SPHKAP: variants seen among roughly 807,000 people sequenced by gnomAD.
SPHKAP encodes SPHK1 interactor, AKAP domain containing.
SPHKAP carries 67 observed loss-of-function variants against 137.5 expected under a neutral mutation model. The ratio of observed to expected loss-of-function variants is 0.49; its 90% confidence interval spans 0.40 to 0.60. The LOEUF (loss-of-function observed/expected upper bound fraction) is 0.60. SPHKAP is among the 20% of genes least tolerant of loss of function. SPHKAP has a pLI of 0.00. For synonymous variants in SPHKAP, 813 were observed against 785.3 expected (o/e 1.04, Z -0.59); for missense variants, 2,097 against 2,069.3 (o/e 1.01, Z -0.26).
chr2:228,112,801 C>T (rs1698560369), intron 2 of SPHKAP, among the ~76,000 whole-genome samples: 1 of 151,994 alleles, frequency 6.6e-6, no homozygotes, highest in Non-Finnish European at 1.5e-5. Flanking sequence ...TTTTTTGAAC[C>T]TATTTTAAAA....
chr2:227,994,057 G>T (rs1177004655), intron 8 of SPHKAP: 1 of 985,212 alleles, frequency 1.0e-6, no homozygotes, highest in African/African-American at 1.7e-5. Flanking sequence ...AGTTTTGACA[G>T]AAACCAGTGG....
At chr2:228,085,839 T>C (rs1182450776) in intron 3 of SPHKAP, among the ~76,000 whole-genome samples, 1 of 152,180 alleles carries the variant, frequency 6.6e-6, no homozygotes, top group East Asian at 1.9e-4. Context: ...TTGCCTCTTT[T>C]CACAAATACT....
chr2:228,078,380 CT>C (rs11322966), intron 3 of SPHKAP, among the ~76,000 whole-genome samples: 19,208 of 128,050 alleles, frequency 0.15, 855 homozygotes, highest in East Asian at 0.28. Flanking sequence ...TGTTGGCAGA[CT>C]TTTTTTTTTT....
chr2:228,095,569 G>A (rs761226027), intron 3 of SPHKAP, among the ~76,000 whole-genome samples: 9 of 152,056 alleles, frequency 5.9e-5, no homozygotes, highest in Non-Finnish European at 1.0e-4. Context: ...CAGTAGATTT[G>A]GTGACACTAA....
chr2:228,162,832 G>C (rs940841887), intron 1 of SPHKAP, among the ~76,000 whole-genome samples: 2 of 152,112 alleles, frequency 1.3e-5, no homozygotes, highest in Non-Finnish European at 2.9e-5. Flanking sequence ...CCAAGTAGCT[G>C]GGATTACAGG....
intron 3 of SPHKAP, among the ~76,000 whole-genome samples, chr2:228,037,005 C>G (rs1052664361): frequency 6.6e-6 from 1 of 151,782 alleles, no homozygotes; most frequent in African/African-American, 2.4e-5. Context: ...GCACATTGTG[C>G]GCATGTACCC....
chr2:228,134,265 T>C (rs966089495), intron 1 of SPHKAP, among the ~76,000 whole-genome samples: 2 of 138,168 alleles, frequency 1.4e-5, no homozygotes, highest in African/African-American at 5.2e-5. Flanking sequence ...AGGAAAGAAA[T>C]AAAGAAGGAA....
chr2:228,036,576 A>G (rs535949179), intron 3 of SPHKAP, among the ~76,000 whole-genome samples: 207 of 152,034 alleles, frequency 1.4e-3, no homozygotes, highest in African/African-American at 4.7e-3. Flanking sequence ...ATAAAGACAC[A>G]TGCACACGTA....
At chr2:228,101,218 C>T (rs1444093114) in intron 3 of SPHKAP, among the ~76,000 whole-genome samples, 1 of 152,198 alleles carries the variant, frequency 6.6e-6, no homozygotes, top group East Asian at 1.9e-4. Flanking sequence ...TAGTCTTCCC[C>T]TTCCATACAC....
At chr2:228,016,108 T>C (rs148239433) in intron 7 of SPHKAP, among the ~76,000 whole-genome samples, 2,105 of 152,270 alleles carry the variant, frequency 0.014, 16 homozygotes, top group Non-Finnish European at 0.021. Flanking sequence ...TTGGAGATTT[T>C]AAGAAGAGAT....
chr2:228,159,119 C>T (rs893169269), intron 1 of SPHKAP, among the ~76,000 whole-genome samples: 4 of 152,130 alleles, frequency 2.6e-5, no homozygotes, highest in Non-Finnish European at 5.9e-5. Flanking sequence ...CTGAGCTCTC[C>T]CCTGCTGTCC....
At chr2:228,002,677 C>A (rs186632324) in intron 7 of SPHKAP, among the ~76,000 whole-genome samples, 12 of 152,284 alleles carry the variant, frequency 7.9e-5, no homozygotes, top group African/African-American at 2.9e-4. Context: ...CCTAGGTTTT[C>A]TTCTAGGGTT....
Position 228,181,455 on chromosome 2 carries a change from G to T in SPHKAP, c.32+112C>A. The T allele has an allele frequency of 2.7e-6, 4 of 1,455,722 alleles. No homozygotes were observed. Among genetic ancestry groups the T allele is most frequent in the South Asian group, 2.3e-5 (2 of 87,860 alleles). The allele number at this position is 1,455,722 out of a possible 1,614,324, so 90.2% of individuals were successfully genotyped here. ...CAAGTGCAGTGACCCCTGTCTCCTC[G>T]CTGGGAGCCCCGTGCAAACCGAAGC... On this transcript the variant is annotated intron_variant, in intron 1 of 11. Transcript: ENST00000392056. This position sits in a 1 kb window ranked among gnomAD's most constrained non-coding sequence, Gnocchi z 4.3.
chr2:228,147,332 A>G (rs753483757), intron 1 of SPHKAP, among the ~76,000 whole-genome samples: 1 of 152,238 alleles, frequency 6.6e-6, no homozygotes, highest in South Asian at 2.1e-4. Context: ...GAAATCATAC[A>G]TATAAACCGT....
chr2:228,030,824 T>C (rs532910031), intron 3 of SPHKAP, among the ~76,000 whole-genome samples: 1 of 152,018 alleles, frequency 6.6e-6, no homozygotes, highest in African/African-American at 2.4e-5. Context: ...ACTAGAAAAA[T>C]AAGCTAGTTT....
In SPHKAP at chr2:228,132,068, C is replaced by T. The variant is rs750607326; in HGVS notation, c.50G>A (p.Arg17Gln). The change falls in exon 2 of 12, where the codon CGG (arginine) becomes CAG (glutamine). Residue 17 changes from arginine to glutamine, a missense_variant. Coordinates refer to ENST00000392056, the MANE Select transcript of SPHKAP (RefSeq NM_001142644.2). Reference sequence around the variant, plus strand: ...CTGCGGTTCCAAAACGTCATACATCCGTGATGACTCCAAGTTGCTGTTTGT... The same window carrying T: ...CTGCGGTTCCAAAACGTCATACATCTGTGATGACTCCAAGTTGCTGTTTGT... ...LSVPSNLESS[R>Q]MYDVLEPQQG... 1.1e-5 allele frequency: 17 copies of T among 1,613,756 alleles called. No homozygotes were observed. Among genetic ancestry groups the T allele is most frequent in the African/African-American group, 8.0e-5 (6 of 74,906 alleles).
chr2:228,174,504 C>T (rs781405292), intron 1 of SPHKAP, among the ~76,000 whole-genome samples: 2 of 152,150 alleles, frequency 1.3e-5, no homozygotes, highest in South Asian at 2.1e-4. Context: ...AGTTCTGGCT[C>T]GGTCACTCAC....
intron 3 of SPHKAP, among the ~76,000 whole-genome samples, chr2:228,082,576 T>C (rs563274497): frequency 3.3e-5 from 5 of 152,124 alleles, no homozygotes; most frequent in South Asian, 2.1e-4. Context: ...AATTAAGGGA[T>C]CCTCTGTCTT....
chr2:228,124,975 C>A (rs182150818), intron 2 of SPHKAP, among the ~76,000 whole-genome samples: 14 of 152,254 alleles, frequency 9.2e-5, no homozygotes, highest in Admixed American at 3.3e-4. Flanking sequence ...AGGGGGGAAT[C>A]ATGACCAAGA....
Sources: allele counts gnomAD v4.1 joint callset (sites outside exome capture counted in the v4.1 genomes callset), GRCh38; gene constraint gnomAD v4.1.1; non-coding constraint Gnocchi (gnomAD v3.1); transcripts MANE v1.5; gene names NCBI Gene and HGNC (gene_info 2026-07-23, HGNC 2026-07-21).